Variants in CREB3L4 observed in about 807,000 individuals in gnomAD.
The protein encoded by CREB3L4 is cyclic AMP-responsive element-binding protein 3-like protein 4.
CREB3L4 carries 28 observed loss-of-function variants against 37.0 expected under a neutral mutation model. The observed-to-expected ratio is 0.76, with a 90% confidence interval of 0.56 to 1.04. The LOEUF is 1.04. Ranked by LOEUF, CREB3L4 falls within the 50% of genes least tolerant of loss-of-function variation. CREB3L4 has a pLI of 0.00. For synonymous variants in CREB3L4, 175 were observed against 192.2 expected, an observed-to-expected ratio of 0.91 and a Z score of 0.74; for missense variants, 462 against 486.0, an observed-to-expected ratio of 0.95 and a Z score of 0.46.
chr1:153,974,198 A>G lies in CREB3L4; in HGVS notation c.*133A>G. 1.3e-6 allele frequency: 1 copy of G among 761,586 alleles called. No individual in the cohort carries two copies. The highest frequency in any genetic ancestry group is 2.1e-6 in the Non-Finnish European group (1 of 475,176). The allele number at this position is 761,586 out of a possible 1,614,324, so 47.2% of individuals were successfully genotyped here. A position where few individuals can be genotyped will look rare whatever the true frequency, so the allele number is the denominator to read the frequency against. ...CCAAATCACTTCAGGACACCCCAAG[A>G]GATGTCCTTTAGTCTCTGCCTGAGG... On this transcript the variant is annotated 3_prime_UTR_variant, in exon 10 of 10. Coordinates refer to ENST00000368607, the MANE Select transcript of CREB3L4 (RefSeq NM_001255978.2).
At chr1:153,971,421 G>T (rs1374667523) in intron 4 of CREB3L4, among the ~76,000 whole-genome samples, 1 of 151,648 alleles carries the variant, frequency 6.6e-6, no homozygotes. Context: ...AAGCACCATG[G>T]TGTTTGTAAA....
intron 4 of CREB3L4, chr1:153,969,883 T>C (rs1209175208): frequency 5.7e-6 from 1 of 174,448 alleles, no homozygotes; most frequent in African/African-American, 2.4e-5. Flanking sequence ...CCCAGGGTGG[T>C]GGGATTACAG....
chr1:153,973,157 C>A, intron 6 of CREB3L4, 38 bp from the exon 7 acceptor site: 1 of 1,612,168 alleles, frequency 6.2e-7, no homozygotes, highest in Non-Finnish European at 8.5e-7. Context: ...GTAAGGGACT[C>A]AGGTTGCTGA....
Position 153,973,379 on chromosome 1 carries a change from G to C in CREB3L4, c.813-1G>C, listed in dbSNP as rs762397056. 16 of 1,613,942 alleles carry C rather than the reference G, an allele frequency of 9.9e-6. No homozygotes were observed. The highest frequency in any genetic ancestry group is 1.4e-5 in the Non-Finnish European group (16 of 1,179,996). ...CTAACTCTTCATTCCTCCTTTCCCA[G>C]CTCCTTGGTAGCTCAGCTCCGCCAG... On this transcript the variant is annotated splice_acceptor_variant, in intron 7 of 9. Transcript: ENST00000368607. LOFTEE classifies it high-confidence loss of function.
In CREB3L4 at chr1:153,973,690, G is replaced by A. The variant is rs751412738; in HGVS notation, c.968G>A (p.Gly323Glu). The A allele has an allele frequency of 6.2e-7, 1 of 1,605,908 alleles. No homozygotes were observed. Among genetic ancestry groups the A allele is most frequent in the African/African-American group, 1.3e-5 (1 of 74,772 alleles). The stretch of plus-strand genomic sequence containing the variant: ...CCATTCCAGAGTCGACCAGAAGCTG[G>A]GTCTGAGGATTACCAGCCTCACGGA... ...FSPFQSRPEA[G>E]SEDYQPHGVT... The change falls in exon 9 of 10, where the codon GGG becomes GAG. Residue 323 changes from glycine (G) to glutamate (E), a missense_variant. Gly to Glu is a moderately conservative substitution (Grantham distance 98). Transcript: ENST00000368607.
At chr1:153,969,238 A>G in intron 3 of CREB3L4, 62 bp downstream of exon 3, 1 of 1,613,936 alleles carries the variant, frequency 6.2e-7, no homozygotes, top group Non-Finnish European at 8.5e-7. Context: ...CCATGGGGTT[A>G]AGGGGGTTTA....
chr1:153,973,184 C>CTAG lies in CREB3L4; in HGVS notation c.744-9_744-8insGTA, dbSNP rs1648567323. 1 of 1,613,836 alleles carries CTAG rather than the reference C, an allele frequency of 6.2e-7. No homozygotes were observed. Among genetic ancestry groups the CTAG allele is most frequent in the African/African-American group, 1.3e-5 (1 of 74,900 alleles). ...GGTTGCTGAGCCTTGTCCTACCTCC[C>CTAG]TACATTCTAGGGTGGCAGCCTGTTC... On this transcript the variant is annotated splice_polypyrimidine_tract_variant and intron_variant, in intron 6 of 9. Transcript: ENST00000368607.
rs758811332 is a variant in CREB3L4 at position 153,972,777 on chromosome 1, G to A, written c.577G>A (p.Glu193Lys). ...TCAAACCCTGTTCCTGACCGATGAG[G>A]AGAAGCGTCTGCTGGGGCAGGAAGG... ...PCQTLFLTDE[E>K]KRLLGQEGVS... Residue 193 changes from glutamate (E) to lysine (K), a missense_variant, in exon 5 of 10, where the codon GAG becomes AAG. By Grantham distance (56) the Glu-to-Lys change is moderately conservative. Transcript: ENST00000368607. The A allele has an allele frequency of 9.3e-6, 15 of 1,613,914 alleles. No homozygotes were observed. The highest frequency in any genetic ancestry group is 1.3e-5 in the Non-Finnish European group (15 of 1,180,012).
In CREB3L4 at chr1:153,974,121, T is replaced by C. The variant is rs1648688995; in HGVS notation, c.*56T>C. On this transcript the variant is annotated 3_prime_UTR_variant, in exon 10 of 10. Coordinates refer to ENST00000368607, the MANE Select transcript of CREB3L4 (RefSeq NM_001255978.2). ...GATCACAAGGAATCCTGGGCTTCCT[T>C]ATGGCTTTGCTTCCCACTGGGATTC... 6.5e-7 allele frequency: 1 copy of C among 1,543,594 alleles called. No homozygotes were observed. Among genetic ancestry groups the C allele is most frequent in the Non-Finnish European group, 8.8e-7 (1 of 1,133,336 alleles).
At position 153,973,972 on chromosome 1, in the gene CREB3L4, A is replaced by C. The variant is rs1648672443; in HGVS notation, c.1095A>C (p.Ala365=). The C allele has an allele frequency of 6.2e-7, 1 of 1,614,046 alleles. No homozygotes were observed. Among genetic ancestry groups the C allele is most frequent in the South Asian group, 1.1e-5 (1 of 91,090 alleles). ...RLREPPGAKD[A]NGSTRTLLEK... ...GGGAGCCACCTGGAGCCAAGGATGC[A>C]AATGGCTCAACAAGGACACTGCTTG... Residue 365 remains alanine, a synonymous_variant, in exon 10 of 10, where the codon GCA becomes GCC. Coordinates refer to ENST00000368607, the MANE Select transcript of CREB3L4 (RefSeq NM_001255978.2).
rs1301076590 is a variant in CREB3L4, at chr1:153,973,957, T to C, written c.1080T>C (p.Pro360=). The C allele has an allele frequency of 5.0e-6, 8 of 1,614,076 alleles. No homozygotes were observed. The South Asian group carries it at 5.5e-5, about 11-fold the overall frequency. ...QVVESRLREP[P]GAKDANGSTR... Reference sequence around the variant, plus strand: ...TAGAGTCCAGACTGAGGGAGCCACCTGGAGCCAAGGATGCAAATGGCTCAA... The same window carrying C: ...TAGAGTCCAGACTGAGGGAGCCACCCGGAGCCAAGGATGCAAATGGCTCAA... The change falls in exon 10 of 10, where the codon CCT becomes CCC. Residue 360 remains proline, a synonymous_variant. Coordinates refer to ENST00000368607, the MANE Select transcript of CREB3L4 (RefSeq NM_001255978.2).
At chr1:153,970,746 T>TC (rs1319442771) in intron 4 of CREB3L4, among the ~76,000 whole-genome samples, 5 of 143,454 alleles carry the variant, frequency 3.5e-5, no homozygotes, top group African/African-American at 1.3e-4. Context: ...AATCTTTTTT[T>TC]TTTTTTTTTT....
At chr1:153,973,777 A>C in intron 9 of CREB3L4, 61 bp downstream of exon 9, 1 of 1,556,500 alleles carries the variant, frequency 6.4e-7, no homozygotes, top group Non-Finnish European at 8.8e-7. Flanking sequence ...TCTGTTCTCC[A>C]AGGTCGTCAA....
rs1382736149 is a variant in CREB3L4, at chr1:153,969,103, C to T, written c.348C>T (p.Val116=). The part of the protein sequence containing the change: ...ATSSPMLYEV[V]YEAGALERMQ... ...GTTCTCCTATGCTCTATGAGGTTGT[C>T]TATGAGGCAGGGGCCCTGGAGAGGA... Residue 116 remains valine, a synonymous_variant, in exon 3 of 10, where the codon GTC becomes GTT. Coordinates refer to ENST00000368607, the MANE Select transcript of CREB3L4 (RefSeq NM_001255978.2). 1.2e-6 allele frequency: 2 copies of T among 1,614,078 alleles called. No homozygotes were observed. The highest frequency in any genetic ancestry group is 8.5e-7 in the Non-Finnish European group (1 of 1,180,032).
intron 4 of CREB3L4, among the ~76,000 whole-genome samples, chr1:153,972,046 CT>C (rs1429548703): frequency 6.6e-6 from 1 of 152,220 alleles, no homozygotes; most frequent in Non-Finnish European, 1.5e-5. Flanking sequence ...TGGTCTTGAA[CT>C]TCTGACCTCA....
rs1190198572 is a variant in CREB3L4, at chr1:153,969,146, C to T, written c.391C>T (p.Pro131Ser). The T allele has an allele frequency of 6.2e-7, 1 of 1,614,162 alleles. No homozygotes were observed. Among genetic ancestry groups the T allele is most frequent in the African/African-American group, 1.3e-5 (1 of 75,050 alleles). ...GGAGAGGATGCAGGGGGAAACTGGG[C>T]CAAATGTAGGCCTTATCTCCATCCA... Reference protein sequence around the residue: ...ALERMQGETGPNVGLISIQLD... With the variant: ...ALERMQGETGSNVGLISIQLD... The change falls in exon 3 of 10, where the codon CCA becomes TCA. Residue 131 changes from proline (P) to serine (S), a missense_variant. Pro to Ser is a moderately conservative substitution (Grantham distance 74). Transcript: ENST00000368607.
chr1:153,973,514 A>AC (rs1285148133), intron 8 of CREB3L4, 50 bp downstream of exon 8: 2 of 1,580,262 alleles, frequency 1.3e-6, no homozygotes, highest in Non-Finnish European at 1.7e-6. Flanking sequence ...CTATCCTTAT[A>AC]CCCCGACTAC....
intron 4 of CREB3L4, among the ~76,000 whole-genome samples, chr1:153,970,839 G>A (rs1648295922): frequency 6.9e-6 from 1 of 144,358 alleles, no homozygotes; most frequent in Admixed American, 7.3e-5. Flanking sequence ...CTGCCTTCCA[G>A]GTTCAAGCGA....
chr1:153,971,548 C>T lies in CREB3L4; in HGVS notation c.544-1196C>T, dbSNP rs1217405591. ...CCTCCCAAAGTGCTGAAATTACAGGCGTGAGCCACCTTGGCCACTCTGTTT... is the reference window on the plus strand; with the variant it reads ...CCTCCCAAAGTGCTGAAATTACAGGTGTGAGCCACCTTGGCCACTCTGTTT... On this transcript the variant is annotated intron_variant, in intron 4 of 9. Coordinates refer to ENST00000368607, the MANE Select transcript of CREB3L4 (RefSeq NM_001255978.2). Among the ~76,000 whole-genome samples the T allele has an allele frequency of 4.0e-5, 6 of 149,810 alleles. No individual in the cohort carries two copies. In the East Asian group the frequency reaches 5.9e-4, roughly 15 times the overall value.
Sources: allele counts gnomAD v4.1 joint callset (sites outside exome capture counted in the v4.1 genomes callset), GRCh38; gene constraint gnomAD v4.1.1; transcripts MANE v1.5; gene names NCBI Gene and HGNC (gene_info 2026-07-23, HGNC 2026-07-21).